PLSCR1: variants seen among roughly 807,000 people sequenced by gnomAD.
PLSCR1 encodes phospholipid scramblase 1, also known as PL scramblase 1.
PLSCR1 carries 17 observed loss-of-function variants against 37.8 expected under a neutral mutation model. The observed-to-expected ratio is 0.45, with a 90% CI of 0.31 to 0.68. The LOEUF is 0.68. Among genes scored for constraint, PLSCR1 ranks in the 30% least tolerant of loss-of-function variants. The pLI is 0.06. For synonymous variants in PLSCR1, 116 were observed against 125.9 expected, an observed-to-expected ratio of 0.92 and a Z score of 0.53; for missense variants, 347 against 380.9, an observed-to-expected ratio of 0.91 and a Z score of 0.74.
intron 4 of PLSCR1, among the ~76,000 whole-genome samples, chr3:146,527,729 A>C (rs1238371216): frequency 6.6e-6 from 1 of 152,212 alleles, no homozygotes; most frequent in Non-Finnish European, 1.5e-5. Flanking sequence ...ATGCCACTTA[A>C]GCACATTGTG....
chr3:146,532,525 C>T (rs1179615863), intron 3 of PLSCR1, among the ~76,000 whole-genome samples: 2 of 152,212 alleles, frequency 1.3e-5, no homozygotes, highest in Non-Finnish European at 2.9e-5. Flanking sequence ...GCTTATCTAG[C>T]TCATATTCTT....
rs57618120 is a variant in PLSCR1, at chr3:146,536,346, C to T, written c.13+194G>A. On this transcript the variant is annotated intron_variant, in intron 2 of 8. Coordinates refer to ENST00000342435, the MANE Select transcript of PLSCR1 (RefSeq NM_021105.3). ...AGGCTTTCGTATTTTTAATGAAGAA[C>T]CTAGTGATAGTGCTATTTTTGTACA... 6.1e-3 allele frequency among the ~76,000 whole-genome samples: 934 copies of T among 152,224 alleles called. 12 individuals are homozygous for T. Among genetic ancestry groups the T allele is most frequent in the African/African-American group, 0.021 (868 of 41,538 alleles).
intron 1 of PLSCR1, among the ~76,000 whole-genome samples, chr3:146,542,975 G>C (rs1485573100): frequency 6.6e-6 from 1 of 152,078 alleles, no homozygotes; most frequent in Non-Finnish European, 1.5e-5. Context: ...CTATAAGAAA[G>C]GGTTATGGGG....
chr3:146,541,552 T>G (rs2044338540), intron 1 of PLSCR1, among the ~76,000 whole-genome samples: 1 of 152,222 alleles, frequency 6.6e-6, no homozygotes, highest in Non-Finnish European at 1.5e-5. Flanking sequence ...TCATATTCTT[T>G]GCACCGATGT....
intron 4 of PLSCR1, among the ~76,000 whole-genome samples, chr3:146,525,984 C>A (rs576278579): frequency 1.3e-5 from 2 of 151,402 alleles, no homozygotes; most frequent in African/African-American, 4.8e-5. Context: ...GAGATCGAGA[C>A]CATCCTGGCT....
At chr3:146,526,111 C>A (rs343310) in intron 4 of PLSCR1, among the ~76,000 whole-genome samples, 133,685 of 148,250 alleles carry the variant, frequency 0.9, 60,483 homozygotes, top group East Asian at 1. Context: ...TGAACCCAGG[C>A]GGCAGATGTT....
In PLSCR1 at chr3:146,533,516, G is replaced by A. The variant is rs1405408211; in HGVS notation, c.48C>T (p.Asn16=). The A allele has an allele frequency of 6.2e-7, 1 of 1,608,222 alleles. No individual in the cohort carries two copies. The highest frequency in any genetic ancestry group is 1.7e-5 in the Admixed American group (1 of 60,000). ...ACTGAGGAGGATACCCAACTGGCAAGTTTGTTTCCGGGTGAGAAGCATTCA... is the reference window on the plus strand; with the variant it reads ...ACTGAGGAGGATACCCAACTGGCAAATTTGTTTCCGGGTGAGAAGCATTCA... ...SQMNASHPET[N]LPVGYPPQYP... The change falls in exon 3 of 9, where the codon AAC becomes AAT. Residue 16 remains asparagine, a synonymous_variant. Coordinates refer to ENST00000342435, the MANE Select transcript of PLSCR1 (RefSeq NM_021105.3).
At chr3:146,537,118 A>ATT (rs35815954) in intron 1 of PLSCR1, among the ~76,000 whole-genome samples, 3 of 146,924 alleles carry the variant, frequency 2.0e-5, no homozygotes, top group Non-Finnish European at 3.0e-5. Flanking sequence ...GCATTCAGAG[A>ATT]TTTTTTTTTT....
At chr3:146,529,171 G>A (rs1483764611) in intron 3 of PLSCR1, among the ~76,000 whole-genome samples, 1 of 152,162 alleles carries the variant, frequency 6.6e-6, no homozygotes, top group Non-Finnish European at 1.5e-5. Flanking sequence ...AAACAAACAC[G>A]TCATTGGTAG....
chr3:146,541,377 G>T (rs1180901959), intron 1 of PLSCR1, among the ~76,000 whole-genome samples: 1 of 152,120 alleles, frequency 6.6e-6, no homozygotes, highest in Non-Finnish European at 1.5e-5. Context: ...ATTCTCATTT[G>T]ATTGCTTTAC....
chr3:146,515,897 G>T lies in PLSCR1; in HGVS notation c.*148C>A. ...AATGTACAAAAACCTTTATAAATCA[G>T]TTATACAGAAGATAAACTATAATTT... On this transcript the variant is annotated 3_prime_UTR_variant, in exon 9 of 9. Coordinates refer to ENST00000342435, the MANE Select transcript of PLSCR1 (RefSeq NM_021105.3). 2.0e-6 allele frequency: 1 copy of T among 506,394 alleles called. No homozygotes were observed. The allele number at this position is 506,394 out of a possible 1,614,324, so 31.4% of individuals were successfully genotyped here.
At chr3:146,541,387 C>G (rs1284346820) in intron 1 of PLSCR1, among the ~76,000 whole-genome samples, 1 of 152,160 alleles carries the variant, frequency 6.6e-6, no homozygotes, top group African/African-American at 2.4e-5. Flanking sequence ...GATTGCTTTA[C>G]TACTCTGAAA....
chr3:146,534,526 G>A (rs1216513572), intron 2 of PLSCR1, among the ~76,000 whole-genome samples: 3 of 152,064 alleles, frequency 2.0e-5, no homozygotes, highest in African/African-American at 4.8e-5. Flanking sequence ...CTTGTGAATC[G>A]TGTGGTTTTA....
chr3:146,518,861 T>C (rs1019306689), intron 7 of PLSCR1, among the ~76,000 whole-genome samples: 1 of 152,148 alleles, frequency 6.6e-6, no homozygotes, highest in African/African-American at 2.4e-5. Flanking sequence ...AAATAATAAA[T>C]TGGTATTGTA....
chr3:146,528,383 C>T (rs980875555), intron 4 of PLSCR1: 69 of 541,240 alleles, frequency 1.3e-4, no homozygotes, highest in Middle Eastern at 5.0e-4. Flanking sequence ...TAAATGTTTG[C>T]TATTGGCCAT....
Position 146,544,473 on chromosome 3 carries a change from C to T in PLSCR1, c.-20G>A, listed in dbSNP as rs758776106. The T allele has an allele frequency of 6.6e-6, 1 of 152,414 alleles. No individual in the cohort carries two copies. The highest frequency in any genetic ancestry group is 1.5e-5 in the Non-Finnish European group (1 of 68,188). The allele number at this position is 152,414 out of a possible 1,614,324, so 9.4% of individuals were successfully genotyped here. A position where few individuals can be genotyped will look rare whatever the true frequency, so the allele number is the denominator to read the frequency against. On this transcript the variant is annotated 5_prime_UTR_variant, in exon 1 of 9. Transcript: ENST00000342435. ...GAGAAAGCCGCCCGCGCACCTCTGGCTGCCGCTGTTTCCGCTCCCGAGCGA... is the reference window on the plus strand; with the variant it reads ...GAGAAAGCCGCCCGCGCACCTCTGGTTGCCGCTGTTTCCGCTCCCGAGCGA...
rs778986893 is a variant in PLSCR1 at position 146,521,677 on chromosome 3, G to A, written c.605C>T (p.Pro202Leu). ...EIEIQAPPGV[P>L]IGYVIQTWHP... ...CCAAGTCTGAATAACATAACCTATT[G>A]GTACACCAGGAGGAGCTTGGATTTC... is the stretch of plus-strand genomic sequence containing the variant. Residue 202 changes from proline to leucine, a missense_variant, in exon 7 of 9, where the codon CCA becomes CTA. By Grantham distance (98) the Pro-to-Leu change is moderately conservative (BLOSUM62 -3). Transcript: ENST00000342435. 4 of 1,613,012 alleles carry A rather than the reference G, an allele frequency of 2.5e-6. No homozygotes were observed. The highest frequency in any genetic ancestry group is 2.5e-6 in the Non-Finnish European group (3 of 1,179,274).
At position 146,543,360 on chromosome 3, in the gene PLSCR1, C is replaced by T. The variant is rs140643874; in HGVS notation, c.-14+1107G>A. ...TTTTCTATCCAATTGCATAAATCCA[C>T]TCTTTCCCTTTATATGTCTTTTTCA... On this transcript the variant is annotated intron_variant, in intron 1 of 8. Coordinates refer to ENST00000342435, the MANE Select transcript of PLSCR1 (RefSeq NM_021105.3). 3.2e-3 allele frequency among the ~76,000 whole-genome samples: 484 copies of T among 152,352 alleles called. 2 individuals carry two copies. Among genetic ancestry groups the T allele is most frequent in the African/African-American group, 0.011 (466 of 41,580 alleles).
intron 2 of PLSCR1, among the ~76,000 whole-genome samples, chr3:146,534,722 A>C (rs543876902): frequency 2.3e-4 from 35 of 152,138 alleles, no homozygotes; most frequent in African/African-American, 8.4e-4. Flanking sequence ...CTAAAAATAC[A>C]AAAATTAGCC....
Sources: gnomAD v4.1 joint callset for allele counts (sites outside exome capture counted in the v4.1 genomes callset) on GRCh38, gnomAD v4.1.1 for gene constraint, MANE v1.5 for transcripts, NCBI Gene and HGNC (gene_info 2026-07-23, HGNC 2026-07-21) for gene names.